Variants in EIF4B observed in about 807,000 individuals in gnomAD.
The protein encoded by EIF4B is eukaryotic translation initiation factor 4B.
Under a neutral mutation model 79.3 loss-of-function variants are expected in EIF4B, and 8 were observed. That is an observed-to-expected ratio of 0.10 (90% CI 0.06 to 0.18). The LOEUF (loss-of-function observed/expected upper bound fraction) is 0.18. Ranked by LOEUF, EIF4B falls within the 10% of genes least tolerant of loss-of-function variation. The pLI, the probability that EIF4B is intolerant of heterozygous loss-of-function variation, is 1.00. For synonymous variants in EIF4B, 238 were observed against 274.7 expected, an observed-to-expected ratio of 0.87 and a Z score of 1.32; for missense variants, 515 against 792.4, an observed-to-expected ratio of 0.65 and a Z score of 4.20.
chr12:53,022,128 A>G, intron 5 of EIF4B: 1 of 645,566 alleles, frequency 1.5e-6, no homozygotes. Context: ...AGAATTATGC[A>G]GCCCAAAATG....
chr12:53,039,028 A>C (rs1943585593), intron 12 of EIF4B: 1 of 470,834 alleles, frequency 2.1e-6, no homozygotes, highest in African/African-American at 2.0e-5. Flanking sequence ...CCTACATGGA[A>C]CTTTTTAGTG....
chr12:53,038,580 C>G, intron 12 of EIF4B, 169 bp downstream of exon 12: 1 of 381,358 alleles, frequency 2.6e-6, no homozygotes, highest in Non-Finnish European at 4.6e-6. Flanking sequence ...TTTGGGAGGC[C>G]AAGGCGGGCA....
chr12:53,034,866 A>C, intron 10 of EIF4B, 157 bp downstream of exon 10: 1 of 732,986 alleles, frequency 1.4e-6, no homozygotes, highest in South Asian at 1.8e-5. Context: ...GCTCCAAAGA[A>C]TCTGAGGAAT....
intron 14 of EIF4B, 139 bp from the exon 15 acceptor site, chr12:53,040,004 A>G (rs1356994): frequency 0.89 from 849,766 of 959,024 alleles, 381,254 homozygotes; most frequent in Non-Finnish European, 0.93. Context: ...CTCCTCTCCA[A>G]TGGACAATGC....
In EIF4B at chr12:53,037,370, G is replaced by A. The variant is rs1327439405; in HGVS notation, c.1307-39G>A. ...GATCCTGGTAGATGCGTGAGCATCT[G>A]CAGCCTGATAATTTGATATTTTCAC... is the stretch of plus-strand genomic sequence containing the variant. On this transcript the variant is annotated intron_variant, in intron 10 of 14. Transcript: ENST00000262056. 5.0e-6 allele frequency: 8 copies of A among 1,585,782 alleles called. No individual in the cohort carries two copies. The East Asian group carries it at 1.1e-4, about 22-fold the overall frequency.
chr12:53,033,156 A>T (rs888139953), intron 8 of EIF4B, among the ~76,000 whole-genome samples: 15 of 150,740 alleles, frequency 1.0e-4, no homozygotes, highest in African/African-American at 3.4e-4. Context: ...AGTAGCTGGG[A>T]TTATAGGCAT....
intron 2 of EIF4B, among the ~76,000 whole-genome samples, chr12:53,018,397 G>C (rs970234604): frequency 6.6e-6 from 1 of 152,158 alleles, no homozygotes; most frequent in Non-Finnish European, 1.5e-5. Context: ...TGGAGTAAGA[G>C]GGACCCAGGT....
intron 8 of EIF4B, among the ~76,000 whole-genome samples, chr12:53,032,244 C>T (rs1488396664): frequency 6.6e-6 from 1 of 152,164 alleles, no homozygotes; most frequent in African/African-American, 2.4e-5. Flanking sequence ...GAGTTCAAGA[C>T]CAGCCTGGCC....
At chr12:53,034,956 C>T (rs1241112284) in intron 10 of EIF4B, among the ~76,000 whole-genome samples, 9 of 90,156 alleles carry the variant, frequency 1.0e-4, no homozygotes, top group African/African-American at 3.8e-4. Flanking sequence ...TTGTCTCTCT[C>T]TTTTTTTTTT....
intron 10 of EIF4B, among the ~76,000 whole-genome samples, chr12:53,037,086 A>G (rs907730946): frequency 1.3e-5 from 2 of 152,202 alleles, no homozygotes; most frequent in African/African-American, 4.8e-5. Flanking sequence ...GTTTCATTGT[A>G]GGTCCTCTTC....
At chr12:53,018,569 G>A (rs1943185039) in intron 2 of EIF4B, among the ~76,000 whole-genome samples, 1 of 152,100 alleles carries the variant, frequency 6.6e-6, no homozygotes, top group African/African-American at 2.4e-5. Flanking sequence ...TCCATAAAGA[G>A]TTGTATTTAT....
At chr12:53,025,589 T>C (rs1481982675) in intron 6 of EIF4B, among the ~76,000 whole-genome samples, 2 of 152,136 alleles carry the variant, frequency 1.3e-5, no homozygotes, top group Non-Finnish European at 2.9e-5. Context: ...CAAATAAAAT[T>C]AAGTGTAAAT....
intron 6 of EIF4B, among the ~76,000 whole-genome samples, chr12:53,023,836 G>C (rs959233012): frequency 1.3e-5 from 2 of 151,866 alleles, no homozygotes; most frequent in Non-Finnish European, 2.9e-5. Flanking sequence ...TCCTGCTTCA[G>C]CCTCCCAAAG....
At chr12:53,021,276 A>G (rs922383544) in intron 4 of EIF4B, among the ~76,000 whole-genome samples, 2 of 152,204 alleles carry the variant, frequency 1.3e-5, no homozygotes, top group Non-Finnish European at 2.9e-5. Flanking sequence ...ACATAGTAGT[A>G]GTAGAGGCTC....
In EIF4B at chr12:53,037,423, G is replaced by C; in HGVS notation, c.1321G>C (p.Glu441Gln). Residue 441 changes from glutamate (E) to glutamine (Q), a missense_variant, in exon 11 of 15, where the codon GAG (glutamate) becomes CAG (glutamine). Glu to Gln is a conservative substitution (Grantham distance 29, BLOSUM62 2). This residue lies in a region of EIF4B where 146 missense variants were observed against 228.0 expected (regional missense o/e 0.64). Coordinates refer to ENST00000262056, the MANE Select transcript of EIF4B (RefSeq NM_001417.7). ...TGGCTTCACAGATGCACGAAGGAGA[G>C]AGAGTGAGAAGTCTCTAGAAAATGA... ...TTSSRNARRR[E>Q]SEKSLENETL... The C allele has an allele frequency of 1.2e-6, 2 of 1,611,942 alleles. No individual in the cohort carries two copies. The highest frequency in any genetic ancestry group is 1.7e-6 in the Non-Finnish European group (2 of 1,179,556).
At chr12:53,006,955 G>C (rs900659257) in intron 1 of EIF4B, among the ~76,000 whole-genome samples, 4 of 150,418 alleles carry the variant, frequency 2.7e-5, no homozygotes, top group Non-Finnish European at 4.4e-5. Flanking sequence ...AGTGTGGTGG[G>C]GGGGAGCAGT....
At chr12:53,034,129 T>C in intron 9 of EIF4B, 95 bp downstream of exon 9, 10 of 1,290,038 alleles carry the variant, frequency 7.8e-6, no homozygotes, top group African/African-American at 3.0e-5. Context: ...TGTGTCGTTA[T>C]CACATTAGTG....
At chr12:53,022,945 C>CTTAA (rs1165704798) in intron 6 of EIF4B, among the ~76,000 whole-genome samples, 3 of 152,144 alleles carry the variant, frequency 2.0e-5, no homozygotes, top group Non-Finnish European at 4.4e-5. Flanking sequence ...AGGTGGATTG[C>CTTAA]TTAAGGCCAG....
intron 13 of EIF4B, 55 bp from the exon 14 acceptor site, chr12:53,039,575 T>C (rs757582564): frequency 3.6e-5 from 57 of 1,597,434 alleles, no homozygotes; most frequent in Non-Finnish European, 4.7e-5. Context: ...ATACACATGT[T>C]TGTATTAGGC....
Sources: allele counts gnomAD v4.1 joint callset (sites outside exome capture counted in the v4.1 genomes callset), GRCh38; gene constraint gnomAD v4.1.1; regional missense constraint gnomAD v4.1.1; transcripts MANE v1.5; gene names NCBI Gene and HGNC (gene_info 2026-07-23, HGNC 2026-07-21).